The following SKIL variants were observed in gnomAD, a reference collection of about 807,000 sequenced individuals.
SKIL encodes SKI like proto-oncogene, also known as ski-like protein.
SKIL carries 20 observed loss-of-function variants against 69.6 expected under a neutral mutation model. The ratio of observed to expected loss-of-function variants is 0.29; its 90% CI spans 0.20 to 0.42. SKIL has a LOEUF of 0.42. Among genes scored for constraint, SKIL ranks in the 10% least tolerant of loss-of-function variants. The pLI is 1.00. For missense variants in SKIL, 745 were observed against 783.1 expected, an observed-to-expected ratio of 0.95 and a Z score of 0.58; for synonymous variants, 310 against 279.9, an observed-to-expected ratio of 1.11 and a Z score of -1.08.
rs78681988 is a variant in SKIL, at chr3:170,361,757, T to G, written c.1098+328T>G. Among the ~76,000 whole-genome samples, 7 of 151,198 alleles carry G rather than the reference T, an allele frequency of 4.6e-5. No homozygotes were observed. The South Asian group carries it at 6.2e-4, about 13-fold the overall frequency. ...GTTAGGGCTTCTTTTTTTTTTTTTT[T>G]TGTGCTTTTAGTAGAGGCCAGGTTT... On this transcript the variant is annotated intron_variant, in intron 2 of 6. Coordinates refer to ENST00000259119, the MANE Select transcript of SKIL (RefSeq NM_005414.5).
rs1279257056 is a variant in SKIL at position 170,391,133 on chromosome 3, C to T, written c.1769C>T (p.Ala590Val). 2 of 1,608,044 alleles carry T rather than the reference C, an allele frequency of 1.2e-6. No individual in the cohort carries two copies. The highest frequency in any genetic ancestry group is 4.5e-5 in the East Asian group (2 of 44,838). Residue 590 changes from alanine to valine, a missense_variant, in exon 6 of 7, where the codon GCT (alanine) becomes GTT (valine). Physicochemically the swap from Ala to Val is moderately conservative, Grantham distance 64. Coordinates refer to ENST00000259119, the MANE Select transcript of SKIL (RefSeq NM_005414.5). ...CTTGAATCTTTGCAGAATGAACATGCTCAAAGAATGGAAGAATTTTATGTT... is the reference window on the plus strand; with the variant it reads ...CTTGAATCTTTGCAGAATGAACATGTTCAAAGAATGGAAGAATTTTATGTT... ...KELESLQNEH[A>V]QRMEEFYVEQ... is the part of the protein sequence containing the mutation.
intron 4 of SKIL, chr3:170,385,016 C>A: frequency 3.7e-6 from 1 of 267,286 alleles, no homozygotes. Flanking sequence ...TATTTTTGTC[C>A]GAATTTTTTT....
At position 170,393,361 on chromosome 3, in the gene SKIL, T is replaced by G. The variant is rs1738022106; in HGVS notation, c.*944T>G. On this transcript the variant is annotated 3_prime_UTR_variant, in exon 7 of 7. Transcript: ENST00000259119. ...AAATGTTAAACACCTTGAAGGTTAT[T>G]TTGGACTTCTGTATGTTTAAATGTT... The G allele has an allele frequency of 6.6e-6, 1 of 152,186 alleles. No homozygotes were observed. The highest frequency in any genetic ancestry group is 1.5e-5 in the Non-Finnish European group (1 of 68,010). 9.4% of individuals were successfully genotyped at this position (152,186 alleles called of 1,614,324 possible).
chr3:170,391,506 A>G (rs565551211), intron 6 of SKIL, among the ~76,000 whole-genome samples: 117 of 152,116 alleles, frequency 7.7e-4, no homozygotes, highest in Non-Finnish European at 8.2e-4. Flanking sequence ...TTTTTAGTAG[A>G]GACGGGGTTT....
intron 4 of SKIL, among the ~76,000 whole-genome samples, chr3:170,389,016 C>T (rs1056923500): frequency 1.3e-4 from 20 of 151,926 alleles, no homozygotes; most frequent in Admixed American, 5.2e-4. Context: ...ATTACAGGTG[C>T]GCGCCACCAT....
intron 2 of SKIL, among the ~76,000 whole-genome samples, chr3:170,368,842 C>T (rs541712184): frequency 2.0e-5 from 3 of 152,054 alleles, no homozygotes; most frequent in East Asian, 1.9e-4. Context: ...TCATTATTTT[C>T]GACTTGTTAC....
intron 3 of SKIL, among the ~76,000 whole-genome samples, chr3:170,383,886 T>C (rs578208636): frequency 6.3e-4 from 96 of 152,258 alleles, no homozygotes; most frequent in African/African-American, 2.1e-3. Context: ...TTATAGATTA[T>C]TCTTTTTCTG....
chr3:170,389,845 C>T (rs1737822121), intron 4 of SKIL, among the ~76,000 whole-genome samples: 1 of 151,952 alleles, frequency 6.6e-6, no homozygotes, highest in African/African-American at 2.4e-5. Flanking sequence ...ATTATTTTGC[C>T]TATTTTGGGT....
chr3:170,377,083 A>T (rs1252908978), intron 2 of SKIL, among the ~76,000 whole-genome samples: 1 of 152,152 alleles, frequency 6.6e-6, no homozygotes, highest in African/African-American at 2.4e-5. Flanking sequence ...ATCATTTAGT[A>T]TTTCTGTTGC....
rs1737403163 is a variant in SKIL, at chr3:170,382,445, C to T, written c.1196+1104C>T. 2.1e-5 allele frequency among the ~76,000 whole-genome samples: 3 copies of T among 139,858 alleles called. No homozygotes were observed. The South Asian group carries it at 6.7e-4, about 31-fold the overall frequency. 91.8% of individuals were successfully genotyped at this position (139,858 alleles called of 152,430 possible). A position where few individuals can be genotyped will look rare whatever the true frequency, so the allele number is the denominator to read the frequency against. On this transcript the variant is annotated intron_variant, in intron 3 of 6. Coordinates refer to ENST00000259119, the MANE Select transcript of SKIL (RefSeq NM_005414.5). ...TTTTTTTTTTTTTGAGACAAAGTCT[C>T]ACTGTGTTACCCAGACTGGAGTGCA...
At chr3:170,384,463 G>A (rs1737517243) in intron 3 of SKIL, 70 bp from the exon 4 acceptor site, 2 of 686,650 alleles carry the variant, frequency 2.9e-6, no homozygotes, top group South Asian at 2.4e-5. Flanking sequence ...AGAAATGCAT[G>A]TTACATATTT....
At chr3:170,375,724 G>A (rs1328064915) in intron 2 of SKIL, among the ~76,000 whole-genome samples, 5 of 150,686 alleles carry the variant, frequency 3.3e-5, no homozygotes, top group African/African-American at 4.9e-5. Context: ...ACAGGCATGC[G>A]TCACCACGGC....
At chr3:170,389,336 C>T (rs565829254) in intron 4 of SKIL, among the ~76,000 whole-genome samples, 27 of 144,284 alleles carry the variant, frequency 1.9e-4, no homozygotes, top group African/African-American at 2.6e-4. Context: ...TTTTTTGAGA[C>T]GGAGTCTTGC....
intron 5 of SKIL, 79 bp from the exon 6 acceptor site, chr3:170,390,957 G>C (rs1371415893): frequency 4.2e-6 from 3 of 715,772 alleles, no homozygotes; most frequent in Non-Finnish European, 7.2e-6. Flanking sequence ...GGTATTTTCT[G>C]TGCTATGTTT....
At chr3:170,359,368 G>A (rs1484627023) in intron 1 of SKIL, among the ~76,000 whole-genome samples, 6 of 152,144 alleles carry the variant, frequency 3.9e-5, no homozygotes, top group African/African-American at 1.4e-4. Context: ...GGCCCGGGCG[G>A]GCGGATCACC....
intron 2 of SKIL, among the ~76,000 whole-genome samples, chr3:170,380,995 A>T (rs1449946423): frequency 7.1e-6 from 1 of 140,108 alleles, no homozygotes; most frequent in South Asian, 2.3e-4. Context: ...CAACTGGCTA[A>T]TTTTTTTTTT....
Position 170,361,255 on chromosome 3 carries a change from C to A in SKIL, c.924C>A (p.His308Gln). The change falls in exon 2 of 7, where the codon CAC becomes CAA. Residue 308 changes from histidine to glutamine, a missense_variant. Transcript: ENST00000259119. ...FAPQTFVMHS[H>Q]RSPDKRTCHW... ...CCCAGACGTTTGTGATGCATTCTCA[C>A]AGATCACCTGACAAAAGAACTTGCC... is the stretch of plus-strand genomic sequence containing the variant. 6.2e-7 allele frequency: 1 copy of A among 1,614,180 alleles called. No individual in the cohort carries two copies. The highest frequency in any genetic ancestry group is 8.5e-7 in the Non-Finnish European group (1 of 1,180,032).
rs1030185486 is a variant in SKIL at position 170,393,501 on chromosome 3, C to T, written c.*1084C>T. The T allele has an allele frequency of 2.6e-5, 4 of 152,102 alleles. No individual in the cohort carries two copies. The highest frequency in any genetic ancestry group is 5.9e-5 in the Non-Finnish European group (4 of 68,012). The allele number at this position is 152,102 out of a possible 1,614,324, so 9.4% of individuals were successfully genotyped here. On this transcript the variant is annotated 3_prime_UTR_variant, in exon 7 of 7. Coordinates refer to ENST00000259119, the MANE Select transcript of SKIL (RefSeq NM_005414.5). Reference sequence around the variant, plus strand: ...GGTGCATATAGGACAGTTTAGTTACCTGCTACTAAAAGATTTTTAGATAAG... The same window carrying T: ...GGTGCATATAGGACAGTTTAGTTACTTGCTACTAAAAGATTTTTAGATAAG...
intron 2 of SKIL, among the ~76,000 whole-genome samples, chr3:170,366,123 G>A (rs1021334338): frequency 6.7e-6 from 1 of 149,968 alleles, no homozygotes; most frequent in African/African-American, 2.5e-5. Flanking sequence ...CTGATGTTTG[G>A]TGTGAATACT....
Sources: allele counts gnomAD v4.1 joint callset (sites outside exome capture counted in the v4.1 genomes callset), GRCh38; gene constraint gnomAD v4.1.1; transcripts MANE v1.5; gene names NCBI Gene and HGNC (gene_info 2026-07-23, HGNC 2026-07-21).